Variants in LRRC3C observed in about 807,000 individuals in gnomAD.
LRRC3C encodes leucine-rich repeat-containing protein 3C.
In LRRC3C, 11 loss-of-function variants were observed where a neutral mutation model predicts 14.8. That is an observed-to-expected ratio of 0.74 (90% CI 0.47 to 1.23). The LOEUF (loss-of-function observed/expected upper bound fraction) is 1.23, where lower values mean the gene tolerates loss of function less well. Ranked by LOEUF, LRRC3C falls within the 50% of genes most tolerant of loss-of-function variation. The probability of loss-of-function intolerance (pLI) is 0.00; values close to 1 mark genes in which losing one functional copy is unlikely to be tolerated. For synonymous variants in LRRC3C, 149 were observed against 161.5 expected, an observed-to-expected ratio of 0.92 and a Z score of 0.59; for missense variants, 354 against 361.8, an observed-to-expected ratio of 0.98 and a Z score of 0.18.
At chr17:39,929,144 G>T (rs960059040) in intron 1 of LRRC3C, 1 of 152,180 alleles carries the variant, frequency 6.6e-6, no homozygotes, top group African/African-American at 2.4e-5. Context: ...AGGTGTCTCT[G>T]TTTTTTCCGA....
intron 1 of LRRC3C, among the ~76,000 whole-genome samples, chr17:39,930,381 C>G (rs1363814810): frequency 9.3e-6 from 1 of 107,252 alleles, no homozygotes; most frequent in African/African-American, 3.5e-5. Context: ...GATCCTGATT[C>G]AAGCAAACTG....
rs1978521926 is a variant in LRRC3C, at chr17:39,927,767, TG to T, written c.-220del. 1.3e-5 allele frequency: 13 copies of T among 985,496 alleles called. No homozygotes were observed. The highest frequency in any genetic ancestry group is 1.4e-5 in the Non-Finnish European group (12 of 829,960). 61.0% of individuals were successfully genotyped at this position (985,496 alleles called of 1,614,324 possible). Reference sequence around the variant, plus strand: ...CCCGGCCTCTTCGGGGACGCACGGTTGGAAGTTGTACCGTGACGTGATGGTC... The same window carrying T: ...CCCGGCCTCTTCGGGGACGCACGGTTGAAGTTGTACCGTGACGTGATGGTC... On this transcript the variant is annotated 5_prime_UTR_variant, in exon 1 of 4. Coordinates refer to ENST00000377924, the MANE Select transcript of LRRC3C (RefSeq NM_001195545.2).
chr17:39,943,583 G>T (rs759100510), intron 3 of LRRC3C, among the ~76,000 whole-genome samples: 25 of 152,142 alleles, frequency 1.6e-4, no homozygotes, highest in Non-Finnish European at 2.2e-4. Flanking sequence ...AGGGGAAGAA[G>T]ACTTTATTCC....
chr17:39,936,249 G>A (rs1598293320), intron 2 of LRRC3C, among the ~76,000 whole-genome samples: 1 of 152,358 alleles, frequency 6.6e-6, no homozygotes, highest in South Asian at 2.1e-4. Flanking sequence ...GAGACTGTGA[G>A]GGTCCAGAAA....
chr17:39,937,235 A>G (rs1244223112), intron 2 of LRRC3C, among the ~76,000 whole-genome samples: 1 of 152,174 alleles, frequency 6.6e-6, no homozygotes, highest in Non-Finnish European at 1.5e-5. Flanking sequence ...CAGAAGTTCA[A>G]GCCCAGCTTG....
At chr17:39,938,670 C>T (rs545193637) in intron 2 of LRRC3C, among the ~76,000 whole-genome samples, 212 of 151,778 alleles carry the variant, frequency 1.4e-3, no homozygotes, top group African/African-American at 4.5e-3. Flanking sequence ...CATTCCAGCC[C>T]GGGCAACACA....
chr17:39,932,881 G>A (rs1017287048), intron 1 of LRRC3C, among the ~76,000 whole-genome samples: 6 of 151,342 alleles, frequency 4.0e-5, no homozygotes, highest in South Asian at 4.2e-4. Flanking sequence ...GTGAAACCCC[G>A]TCTCTACTAA....
intron 3 of LRRC3C, among the ~76,000 whole-genome samples, chr17:39,942,351 C>T (rs900935198): frequency 5.3e-5 from 8 of 152,154 alleles, no homozygotes; most frequent in African/African-American, 1.2e-4. Flanking sequence ...GGTGGTATCA[C>T]GGAGTGGCGT....
chr17:39,932,736 C>T (rs1249924153), intron 1 of LRRC3C, among the ~76,000 whole-genome samples: 1 of 151,228 alleles, frequency 6.6e-6, no homozygotes, highest in Non-Finnish European at 1.5e-5. Context: ...CCAGCCTGGG[C>T]AATAAAGCAA....
chr17:39,928,574 AT>A (rs1360443899), intron 1 of LRRC3C, among the ~76,000 whole-genome samples: 1 of 152,232 alleles, frequency 6.6e-6, no homozygotes, highest in Non-Finnish European at 1.5e-5. Flanking sequence ...GGTTACTCCC[AT>A]TCTCCATGTC....
intron 3 of LRRC3C, 25 bp from the exon 4 acceptor site, chr17:39,943,908 C>G (rs1313633807): frequency 6.5e-7 from 1 of 1,534,832 alleles, no homozygotes; most frequent in Admixed American, 2.0e-5. Context: ...CTCACTCCTC[C>G]TTTATGTGGC....
At chr17:39,928,692 T>C (rs1227430959) in intron 1 of LRRC3C, among the ~76,000 whole-genome samples, 1 of 152,200 alleles carries the variant, frequency 6.6e-6, no homozygotes, top group Non-Finnish European at 1.5e-5. Flanking sequence ...TGTCATGGCA[T>C]GCCAACCTGA....
intron 1 of LRRC3C, among the ~76,000 whole-genome samples, chr17:39,934,067 C>T (rs565526117): frequency 5.9e-5 from 9 of 152,320 alleles, no homozygotes; most frequent in African/African-American, 1.7e-4. Context: ...CTGGCAGCAT[C>T]GCCAGCGGGC....
chr17:39,931,142 C>G (rs969103599), intron 1 of LRRC3C, among the ~76,000 whole-genome samples: 2 of 118,654 alleles, frequency 1.7e-5, no homozygotes, highest in African/African-American at 6.3e-5. Context: ...AACTTCATCT[C>G]AAAAAAAAAA....
intron 1 of LRRC3C, among the ~76,000 whole-genome samples, chr17:39,928,876 G>A (rs746469380): frequency 6.6e-6 from 1 of 152,202 alleles, no homozygotes; most frequent in African/African-American, 2.4e-5. Flanking sequence ...GAGGCACTTA[G>A]TGGTCACCAG....
chr17:39,935,750 C>T, intron 1 of LRRC3C, 52 bp from the exon 2 acceptor site: 1 of 861,612 alleles, frequency 1.2e-6, no homozygotes, highest in South Asian at 5.3e-5. Context: ...GACAGTATCT[C>T]CAAGCATGGC....
In LRRC3C at chr17:39,944,705, G is replaced by T. The variant is rs1162544605; in HGVS notation, c.799G>T (p.Asp267Tyr). The T allele has an allele frequency of 6.5e-7, 1 of 1,535,906 alleles. No individual in the cohort carries two copies. Among genetic ancestry groups the T allele is most frequent in the South Asian group, 1.2e-5 (1 of 84,050 alleles). ...RAPVLPVRSEDSSILSTVV is the reference protein window; with the variant it reads ...RAPVLPVRSEYSSILSTVV Reference sequence around the variant, plus strand: ...CCCAGTGCTGCCCGTGCGTTCCGAGGACTCCTCCATCCTCAGCACAGTGGT... The same window carrying T: ...CCCAGTGCTGCCCGTGCGTTCCGAGTACTCCTCCATCCTCAGCACAGTGGT... Residue 267 changes from aspartate to tyrosine, a missense_variant, in exon 4 of 4, where the codon GAC becomes TAC. By Grantham distance (160) the Asp-to-Tyr change is radical (BLOSUM62 -3). Transcript: ENST00000377924.
Position 39,944,096 on chromosome 17 carries a change from C to T in LRRC3C, c.190C>T (p.Arg64Cys), listed in dbSNP as rs574965380. The change falls in exon 4 of 4, where the codon CGC (arginine) becomes TGC (cysteine). Residue 64 changes from arginine (R) to cysteine (C), a missense_variant. By Grantham distance (180) the Arg-to-Cys change is radical. Transcript: ENST00000377924. ...VAKEAGERTF[R>C]CSQAGLSAVP... The stretch of plus-strand genomic sequence containing the variant: ...AAAGGAAGCAGGTGAACGGACGTTC[C>T]GCTGCAGCCAGGCAGGCCTCAGTGC... 29 of 1,536,096 alleles carry T rather than the reference C, an allele frequency of 1.9e-5. No individual in the cohort carries two copies. Among genetic ancestry groups the T allele is most frequent in the Admixed American group, 9.8e-5 (5 of 50,996 alleles).
chr17:39,944,817 G>A lies in LRRC3C; in HGVS notation c.*83G>A. 1 of 1,300,254 alleles carries A rather than the reference G, an allele frequency of 7.7e-7. No individual in the cohort carries two copies. Among genetic ancestry groups the A allele is most frequent in the Non-Finnish European group, 1.1e-6 (1 of 947,868 alleles). The allele number at this position is 1,300,254 out of a possible 1,614,324, so 80.5% of individuals were successfully genotyped here. ...TGCTCTGACCCCCTCTGCCTCCTGT[G>A]CAGCTTCACCCCTGCCCCCAAGCCC... On this transcript the variant is annotated 3_prime_UTR_variant, in exon 4 of 4. Coordinates refer to ENST00000377924, the MANE Select transcript of LRRC3C (RefSeq NM_001195545.2).
Sources: gnomAD v4.1 joint callset for allele counts (sites outside exome capture counted in the v4.1 genomes callset) on GRCh38, gnomAD v4.1.1 for gene constraint, MANE v1.5 for transcripts, NCBI Gene and HGNC (gene_info 2026-07-23, HGNC 2026-07-21) for gene names.